The following AGBL1 variants were observed in gnomAD, a reference collection of about 807,000 sequenced individuals.
The protein encoded by AGBL1 is cytosolic carboxypeptidase 4.
AGBL1 carries 130 observed loss-of-function variants against 118.9 expected under a neutral mutation model. The observed-to-expected ratio is 1.09, with a 90% CI of 0.95 to 1.26. AGBL1 has a LOEUF of 1.26. AGBL1 is among the 50% of genes most tolerant of loss of function. The probability of loss-of-function intolerance (pLI) is 0.00; values close to 1 mark genes in which losing one functional copy is unlikely to be tolerated. For missense variants in AGBL1, 1,584 were observed against 1,298.1 expected, an observed-to-expected ratio of 1.22 and a Z score of -3.38; for synonymous variants, 555 against 478.9, an observed-to-expected ratio of 1.16 and a Z score of -2.08.
intron 22 of AGBL1, among the ~76,000 whole-genome samples, chr15:86,743,559 G>A (rs1369736947): frequency 2.0e-5 from 3 of 152,056 alleles, no homozygotes; most frequent in Admixed American, 6.6e-5. Context: ...ACTGGGGAGC[G>A]TTCTTACCTG....
chr15:86,999,118 T>C (rs2141755921), intron 24 of AGBL1, among the ~76,000 whole-genome samples: 1 of 151,114 alleles, frequency 6.6e-6, no homozygotes, highest in Non-Finnish European at 1.5e-5. Flanking sequence ...TGTTTTTTCG[T>C]CCTTCGATAG....
intron 23 of AGBL1, among the ~76,000 whole-genome samples, chr15:86,987,368 A>G (rs2081295834): frequency 1.3e-5 from 2 of 152,216 alleles, no homozygotes; most frequent in South Asian, 2.1e-4. Context: ...AAGTGTATCT[A>G]GTAATTCTAA....
intron 1 of AGBL1, among the ~76,000 whole-genome samples, chr15:86,132,053 G>A (rs1405645153): frequency 2.6e-5 from 4 of 151,952 alleles, no homozygotes; most frequent in South Asian, 2.1e-4. Flanking sequence ...TGAAAACAGC[G>A]CTTCAGATTG....
intron 18 of AGBL1, among the ~76,000 whole-genome samples, chr15:86,489,586 A>G (rs1296691151): frequency 6.6e-6 from 1 of 152,184 alleles, no homozygotes; most frequent in Non-Finnish European, 1.5e-5. Context: ...AGGGGTCAGT[A>G]AACTGTGGCC....
intron 18 of AGBL1, among the ~76,000 whole-genome samples, chr15:86,467,590 G>A (rs551363165): frequency 2.0e-5 from 3 of 152,312 alleles, no homozygotes; most frequent in African/African-American, 7.2e-5. Flanking sequence ...TGAAACCCAG[G>A]GCACTAGTGA....
rs543518309 is a variant in AGBL1 at position 86,868,436 on chromosome 15, T to C, written c.3159-38651T>C. Among the ~76,000 whole-genome samples the C allele has an allele frequency of 1.1e-4, 16 of 152,348 alleles. 1 individual carries two copies. In the South Asian group the frequency reaches 3.3e-3, roughly 32 times the overall value. ...TCCTTTATGACTTTTAGCACCAAGCTAAGGGAATTCTTTCAGGTTTAGTGA... is the reference window on the plus strand; with the variant it reads ...TCCTTTATGACTTTTAGCACCAAGCCAAGGGAATTCTTTCAGGTTTAGTGA... On this transcript the variant is annotated intron_variant, in intron 22 of 22. Coordinates refer to ENST00000614907, the MANE Select transcript of AGBL1 (RefSeq NM_001386094.1).
intron 19 of AGBL1, among the ~76,000 whole-genome samples, chr15:86,535,926 C>T (rs2083420055): frequency 6.6e-6 from 1 of 152,132 alleles, no homozygotes; most frequent in South Asian, 2.1e-4. Flanking sequence ...ATTTTCATAA[C>T]TCGTGTTAAG....
At chr15:86,521,820 C>T (rs1231489085) in intron 18 of AGBL1, among the ~76,000 whole-genome samples, 1 of 152,120 alleles carries the variant, frequency 6.6e-6, no homozygotes, top group Non-Finnish European at 1.5e-5. Flanking sequence ...TTCCACTGAG[C>T]TTGGGTGTGG....
At chr15:86,112,275 G>A (rs899477290) in intron 1 of AGBL1, among the ~76,000 whole-genome samples, 1 of 151,988 alleles carries the variant, frequency 6.6e-6, no homozygotes, top group Non-Finnish European at 1.5e-5. Context: ...GCTCTGCATT[G>A]ATAGAAAGGC....
chr15:86,617,018 T>C (rs1174928525), intron 21 of AGBL1, among the ~76,000 whole-genome samples: 1 of 152,152 alleles, frequency 6.6e-6, no homozygotes, highest in Non-Finnish European at 1.5e-5. Flanking sequence ...ATGATCCCAT[T>C]TCCAGTTTAA....
At chr15:86,211,360 G>A (rs868162981) in intron 5 of AGBL1, among the ~76,000 whole-genome samples, 4 of 152,198 alleles carry the variant, frequency 2.6e-5, no homozygotes, top group South Asian at 2.1e-4. Context: ...AAGAACCACC[G>A]CTCTCTTCAG....
In AGBL1 at chr15:86,738,410, A is replaced by T. The variant is rs28484770; in HGVS notation, c.3158+63974A>T. Among the ~76,000 whole-genome samples the T allele has an allele frequency of 5.3e-3, 771 of 146,274 alleles. 8 individuals carry two copies. Among genetic ancestry groups the T allele is most frequent in the African/African-American group, 0.019 (727 of 37,886 alleles). ...CAGGCAAGAGAAAAAAATAAAAGGC[A>T]TCCAAATTGGAAAAAAAAAGAAGTC... On this transcript the variant is annotated intron_variant, in intron 22 of 22. Transcript: ENST00000614907.
At chr15:86,155,966 G>T (rs1287534619) in intron 4 of AGBL1, among the ~76,000 whole-genome samples, 4 of 151,694 alleles carry the variant, frequency 2.6e-5, no homozygotes, top group African/African-American at 9.7e-5. Context: ...CTTTTGCCTA[G>T]GCTGGAGTGC....
chr15:86,289,984 TAG>T (rs1375016498), intron 16 of AGBL1, among the ~76,000 whole-genome samples: 1 of 152,234 alleles, frequency 6.6e-6, no homozygotes, highest in Non-Finnish European at 1.5e-5. Flanking sequence ...AGTGATATTC[TAG>T]AGAGTTTGCA....
intron 18 of AGBL1, among the ~76,000 whole-genome samples, chr15:86,510,590 C>A (rs16977604): frequency 0.023 from 3,516 of 152,084 alleles, 127 homozygotes; most frequent in African/African-American, 0.08. Flanking sequence ...AAAACAATGT[C>A]TATTTTTCTT....
chr15:86,670,670 C>T (rs2085731869), intron 21 of AGBL1, among the ~76,000 whole-genome samples: 1 of 140,884 alleles, frequency 7.1e-6, no homozygotes, highest in African/African-American at 2.7e-5. Flanking sequence ...ATATAGCAAA[C>T]TTATATAGTA....
chr15:86,134,566 T>A (rs1049995751), intron 1 of AGBL1, among the ~76,000 whole-genome samples: 2 of 151,570 alleles, frequency 1.3e-5, no homozygotes, highest in Non-Finnish European at 2.9e-5. Context: ...GGATCCTTTT[T>A]TCCCCTCCAC....
chr15:86,713,534 C>T (rs750710766), intron 22 of AGBL1, among the ~76,000 whole-genome samples: 32 of 152,152 alleles, frequency 2.1e-4, no homozygotes, highest in Middle Eastern at 3.4e-3. Context: ...GAGCACTAGA[C>T]GGGTTGTGGA....
At chr15:86,169,582 A>G (rs1269485286) in intron 5 of AGBL1, among the ~76,000 whole-genome samples, 1 of 152,226 alleles carries the variant, frequency 6.6e-6, no homozygotes, top group East Asian at 1.9e-4. Flanking sequence ...GTCGCATATA[A>G]CTTATGCACT....
Sources: gnomAD v4.1 joint callset for allele counts (sites outside exome capture counted in the v4.1 genomes callset) on GRCh38, gnomAD v4.1.1 for gene constraint, MANE v1.5 for transcripts, NCBI Gene and HGNC (gene_info 2026-07-23, HGNC 2026-07-21) for gene names.